The following PPP2R5C variants were observed in gnomAD, a reference collection of about 807,000 sequenced individuals.
The protein encoded by PPP2R5C is protein phosphatase 2 regulatory subunit B'gamma.
In PPP2R5C, 7 loss-of-function variants were observed where a neutral mutation model predicts 68.9. The ratio of observed to expected loss-of-function variants is 0.10; its 90% confidence interval spans 0.06 to 0.19. The LOEUF (loss-of-function observed/expected upper bound fraction) is 0.19, where lower values mean the gene tolerates loss of function less well. Ranked by LOEUF, PPP2R5C falls within the 10% of genes least tolerant of loss-of-function variation. The pLI is 1.00. For synonymous variants in PPP2R5C, 210 were observed against 222.2 expected (o/e 0.95, Z 0.49); for missense variants, 348 against 641.3 (o/e 0.54, Z 4.94).
At chr14:101,845,638 A>C (rs1053401359) in intron 1 of PPP2R5C, among the ~76,000 whole-genome samples, 1 of 152,310 alleles carries the variant, frequency 6.6e-6, no homozygotes, top group Non-Finnish European at 1.5e-5. Context: ...GGTGGTAGAA[A>C]GTTGTGGGGG....
At chr14:101,810,365 A>G in intron 1 of PPP2R5C, 1 of 224,388 alleles carries the variant, frequency 4.5e-6, no homozygotes, top group Non-Finnish European at 8.8e-6. Context: ...TGGGGGTAGG[A>G]AGGAGAGGCG....
At chr14:101,865,401 G>A (rs1197371826) in intron 2 of PPP2R5C, among the ~76,000 whole-genome samples, 1 of 152,340 alleles carries the variant, frequency 6.6e-6, no homozygotes, top group South Asian at 2.1e-4. Flanking sequence ...CTTGCCAGAA[G>A]AGGCCTGATG....
At chr14:101,762,372 C>G (rs920988977) in intron 1 of PPP2R5C, among the ~76,000 whole-genome samples, 1 of 152,084 alleles carries the variant, frequency 6.6e-6, no homozygotes, top group Non-Finnish European at 1.5e-5. Flanking sequence ...GGAAAGGGAG[C>G]GAGAAGGGAC....
chr14:101,772,154 TATCA>T (rs1381750271), intron 2 of PPP2R5C, among the ~76,000 whole-genome samples: 3 of 152,198 alleles, frequency 2.0e-5, no homozygotes, highest in Non-Finnish European at 4.4e-5. Flanking sequence ...TTTTGTTACC[TATCA>T]ATCTTCTTAA....
At chr14:101,791,207 A>G (rs2038349836) in intron 3 of PPP2R5C, among the ~76,000 whole-genome samples, 3 of 152,218 alleles carry the variant, frequency 2.0e-5, no homozygotes, top group Admixed American at 2.0e-4. Context: ...GCCAATATCT[A>G]TTATTGTCTT....
chr14:101,830,945 G>A (rs896847179), intron 1 of PPP2R5C, among the ~76,000 whole-genome samples: 13 of 152,218 alleles, frequency 8.5e-5, no homozygotes, highest in Non-Finnish European at 4.4e-5. Context: ...GGCAGCATTT[G>A]CAGGTATTGG....
At chr14:101,794,273 A>T (rs557591359) in intron 3 of PPP2R5C, among the ~76,000 whole-genome samples, 131 of 152,220 alleles carry the variant, frequency 8.6e-4, no homozygotes, top group Non-Finnish European at 1.8e-3. Flanking sequence ...GTTGATTTCT[A>T]GCATCACTAA....
chr14:101,801,762 C>A (rs922752682), intron 3 of PPP2R5C, among the ~76,000 whole-genome samples: 1 of 152,200 alleles, frequency 6.6e-6, no homozygotes, highest in African/African-American at 2.4e-5. Flanking sequence ...GTCAGTACTG[C>A]CCAAAGCAAT....
intron 5 of PPP2R5C, among the ~76,000 whole-genome samples, chr14:101,885,635 T>A (rs2044454894): frequency 6.6e-6 from 1 of 152,250 alleles, no homozygotes; most frequent in Non-Finnish European, 1.5e-5. Flanking sequence ...GGCTTTCCTT[T>A]GAACTCCTTC....
intron 9 of PPP2R5C, among the ~76,000 whole-genome samples, chr14:101,904,688 C>T (rs1194966402): frequency 2.0e-5 from 3 of 152,196 alleles, no homozygotes; most frequent in Non-Finnish European, 4.4e-5. Flanking sequence ...CAGCATCCCA[C>T]CCATACACAC....
At chr14:101,786,901 A>T (rs1045267723) in intron 3 of PPP2R5C, among the ~76,000 whole-genome samples, 2 of 152,238 alleles carry the variant, frequency 1.3e-5, no homozygotes, top group African/African-American at 4.8e-5. Flanking sequence ...AAATAAAATA[A>T]CATTTTTCAT....
At chr14:101,801,330 A>C (rs11621008) in intron 3 of PPP2R5C, among the ~76,000 whole-genome samples, 76,172 of 152,028 alleles carry the variant, frequency 0.5, 22,872 homozygotes, top group Non-Finnish European at 0.64. Flanking sequence ...CCCTCCAAAT[A>C]TGCACAACTA....
At chr14:101,898,424 C>T (rs976072612) in intron 8 of PPP2R5C, among the ~76,000 whole-genome samples, 1 of 152,114 alleles carries the variant, frequency 6.6e-6, no homozygotes, top group African/African-American at 2.4e-5. Flanking sequence ...GTGAATGAGC[C>T]TCACCCTATT....
At chr14:101,841,547 G>A (rs1463842444) in intron 1 of PPP2R5C, among the ~76,000 whole-genome samples, 2 of 152,170 alleles carry the variant, frequency 1.3e-5, no homozygotes, top group Non-Finnish European at 2.9e-5. Flanking sequence ...CTTTCACTCT[G>A]TGCCTCCGGA....
exon 14 of PPP2R5C, chr14:101,925,200 G>GGAC (rs1401433082): frequency 1.5e-5 from 24 of 1,614,076 alleles, no homozygotes; most frequent in Non-Finnish European, 1.7e-5. Flanking sequence ...AGCTGCCTCA[G>GGAC]GACCCCCACA....
At chr14:101,824,126 G>A (rs1454174290) in intron 1 of PPP2R5C, 1 of 1,287,614 alleles carries the variant, frequency 7.8e-7, no homozygotes, top group African/African-American at 1.5e-5. Context: ...AGAGATTCAT[G>A]TTCAAGCTGC....
chr14:101,887,225 G>A (rs755632920), intron 5 of PPP2R5C, among the ~76,000 whole-genome samples: 5 of 152,216 alleles, frequency 3.3e-5, no homozygotes, highest in African/African-American at 7.2e-5. Context: ...GGCACACAGC[G>A]GGACCTGGAG....
At chr14:101,848,956 C>T (rs1384351502) in intron 1 of PPP2R5C, among the ~76,000 whole-genome samples, 1 of 152,106 alleles carries the variant, frequency 6.6e-6, no homozygotes, top group African/African-American at 2.4e-5. Flanking sequence ...CCCTAAAAGC[C>T]CCCTGTAAGT....
At chr14:101,858,809 C>T (rs1453887378) in intron 2 of PPP2R5C, among the ~76,000 whole-genome samples, 1 of 152,182 alleles carries the variant, frequency 6.6e-6, no homozygotes, top group Non-Finnish European at 1.5e-5. Context: ...TGACAAGACT[C>T]CCGCTGGCCT....
Sources: allele counts gnomAD v4.1 joint callset (sites outside exome capture counted in the v4.1 genomes callset), GRCh38; gene constraint gnomAD v4.1.1; transcripts MANE v1.5; gene names NCBI Gene and HGNC (gene_info 2026-07-23, HGNC 2026-07-21).